ERBB2: variants seen among roughly 807,000 people sequenced by gnomAD.
ERBB2 encodes erb-b2 receptor tyrosine kinase 2, also known as receptor tyrosine-protein kinase erbB-2.
In ERBB2, 61 loss-of-function variants were observed where a neutral mutation model predicts 149.0. The observed-to-expected ratio is 0.41, with a 90% CI of 0.33 to 0.51. ERBB2 has a LOEUF of 0.51. Among genes scored for constraint, ERBB2 ranks in the 20% least tolerant of loss-of-function variants. The pLI is 0.25. For missense variants in ERBB2, 1,205 were observed against 1,655.1 expected (o/e 0.73, Z 4.72); for synonymous variants, 633 against 678.8 (o/e 0.93, Z 1.05).
chr17:39,712,195 C>T (rs1403995027), intron 8 of ERBB2, 127 bp from the exon 9 acceptor site: 2 of 1,522,196 alleles, frequency 1.3e-6, no homozygotes, highest in Middle Eastern at 1.7e-4. Context: ...CCCCTCAGCC[C>T]TACAAGTGTC....
At chr17:39,689,264 G>A (rs1016152301) in intron 2 of ERBB2, among the ~76,000 whole-genome samples, 1 of 152,110 alleles carries the variant, frequency 6.6e-6, no homozygotes, top group African/African-American at 2.4e-5. Context: ...GTGCTCTGGG[G>A]AGCAGCATTC....
In ERBB2 at chr17:39,725,688, G is replaced by A. The variant is rs2143056202; in HGVS notation, c.2726-19G>A. On this transcript the variant is annotated intron_variant, in intron 22 of 26. Coordinates refer to ENST00000269571, the MANE Select transcript of ERBB2 (RefSeq NM_004448.4). This position sits in a 1 kb window ranked among gnomAD's most constrained non-coding sequence, Gnocchi z 4.6. The stretch of plus-strand genomic sequence containing the variant: ...AGCTCCCTCTGGCCCTCCCACTCCT[G>A]ACCCTGTCTCTGCCTTAGGTGTGAC... 6.2e-7 allele frequency: 1 copy of A among 1,601,300 alleles called. No homozygotes were observed. Among genetic ancestry groups the A allele is most frequent in the East Asian group, 2.2e-5 (1 of 44,670 alleles).
intron 16 of ERBB2, chr17:39,720,099 G>A: frequency 2.1e-6 from 1 of 486,630 alleles, no homozygotes; most frequent in Middle Eastern, 5.9e-4. Context: ...AGGGACACAG[G>A]CAAAGTTCAA....
Position 39,715,451 on chromosome 17 carries a change from C to T in ERBB2, c.1228C>T (p.Leu410=), listed in dbSNP as rs2145638023. Reference sequence around the variant, plus strand: ...ATCTCACCCTCTGCCTGCAGGTTACCTATACATCTCAGCATGGCCGGACAG... The same window carrying T: ...ATCTCACCCTCTGCCTGCAGGTTACTTATACATCTCAGCATGGCCGGACAG... The part of the protein sequence containing the change: ...FETLEEITGY[L]YISAWPDSLP... The change falls in exon 11 of 27, where the codon CTA becomes TTA. Residue 410 remains leucine (L), a synonymous_variant. Coordinates refer to ENST00000269571, the MANE Select transcript of ERBB2 (RefSeq NM_004448.4). 6.2e-7 allele frequency: 1 copy of T among 1,614,170 alleles called. No individual in the cohort carries two copies. The highest frequency in any genetic ancestry group is 8.5e-7 in the Non-Finnish European group (1 of 1,180,016).
intron 2 of ERBB2, chr17:39,707,405 T>A: frequency 2.7e-6 from 1 of 374,348 alleles, no homozygotes; most frequent in Admixed American, 4.7e-5. Flanking sequence ...CTTGCCAGCA[T>A]GATCATGTCC....
upstream of ERBB2, chr17:39,699,457 GT>G: frequency 8.2e-7 from 1 of 1,224,558 alleles, no homozygotes; most frequent in Non-Finnish European, 1.1e-6. Flanking sequence ...GCAAAAGTTC[GT>G]TTAAAAAAAA....
rs2145682231 is a variant in ERBB2 at position 39,716,451 on chromosome 17, G to C, written c.1646+18G>C. On this transcript the variant is annotated intron_variant, in intron 13 of 26. Coordinates refer to ENST00000269571, the MANE Select transcript of ERBB2 (RefSeq NM_004448.4). ...CTGCAGGGGTATGAGGGGCGGAGGAGAGGGTGGCTGGAGGGGTGCATGGGG... is the reference window on the plus strand; with the variant it reads ...CTGCAGGGGTATGAGGGGCGGAGGACAGGGTGGCTGGAGGGGTGCATGGGG... 1 of 1,612,874 alleles carries C rather than the reference G, an allele frequency of 6.2e-7. No homozygotes were observed. The highest frequency in any genetic ancestry group is 8.5e-7 in the Non-Finnish European group (1 of 1,179,056).
At chr17:39,722,809 C>T (rs543051787) in intron 16 of ERBB2, among the ~76,000 whole-genome samples, 40 of 152,092 alleles carry the variant, frequency 2.6e-4, no homozygotes, top group East Asian at 1.2e-3. Context: ...TCTTGTCTCC[C>T]GGGTTCAAGC....
At chr17:39,700,010 G>A, upstream of ERBB2, 1 of 1,267,122 alleles carries the variant, frequency 7.9e-7, no homozygotes, top group Non-Finnish European at 9.9e-7. Flanking sequence ...AGGAGGAGGT[G>A]GAGGAGGAGG....
In ERBB2 at chr17:39,723,225, C is replaced by T. The variant is rs538456436; in HGVS notation, c.1947-94C>T. ...GGGTCACCCTTCCGACTTCCCTTTC[C>T]GAATGCCAAACACCTTCATGTCCCC... is the stretch of plus-strand genomic sequence containing the variant. On this transcript the variant is annotated intron_variant, in intron 16 of 26. Transcript: ENST00000269571. This position sits in a 1 kb window ranked among gnomAD's most constrained non-coding sequence, Gnocchi z 6.2. 154 of 1,351,276 alleles carry T rather than the reference C, an allele frequency of 1.1e-4. No individual in the cohort carries two copies. The African/African-American group carries it at 1.8e-3, about 16-fold the overall frequency. The allele number at this position is 1,351,276 out of a possible 1,614,324, so 83.7% of individuals were successfully genotyped here. A position where few individuals can be genotyped will look rare whatever the true frequency, so the allele number is the denominator to read the frequency against.
chr17:39,698,002 T>G (rs2057905720), upstream of ERBB2, among the ~76,000 whole-genome samples: 1 of 152,174 alleles, frequency 6.6e-6, no homozygotes, highest in Non-Finnish European at 1.5e-5. Flanking sequence ...AACTTTGTAT[T>G]ACTTTCTTAA....
rs1479511802 is a variant in ERBB2 at position 39,728,536 on chromosome 17, G to T, written c.*492G>T. ...TTTCTGTTTAGTTTTTACTTTTTTT[G>T]TTTTGTTTTTTTAAAGATGAAATAA... On this transcript the variant is annotated 3_prime_UTR_variant, in exon 27 of 27. Coordinates refer to ENST00000269571, the MANE Select transcript of ERBB2 (RefSeq NM_004448.4). The T allele has an allele frequency of 4.3e-6, 1 of 235,244 alleles. No individual in the cohort carries two copies. Among genetic ancestry groups the T allele is most frequent in the East Asian group, 6.0e-5 (1 of 16,742 alleles). The allele number at this position is 235,244 out of a possible 1,614,324, so 14.6% of individuals were successfully genotyped here. A position where few individuals can be genotyped will look rare whatever the true frequency, so the allele number is the denominator to read the frequency against.
At chr17:39,700,342 G>C in intron 1 of ERBB2, 31 bp downstream of exon 1, 8 of 1,327,978 alleles carry the variant, frequency 6.0e-6, no homozygotes, top group Non-Finnish European at 7.7e-6. Context: ...GGACGGAGCA[G>C]CGGCGGGACC....
At position 39,726,676 on chromosome 17, in the gene ERBB2, C is replaced by T. The variant is rs770037558; in HGVS notation, c.2970+17C>T. ...GTCATCCAGGTACTGGGCCTCTGTG[C>T]CCCATCCCTGCCTGTGGCTAAGAGC... On this transcript the variant is annotated intron_variant, in intron 24 of 26. Coordinates refer to ENST00000269571, the MANE Select transcript of ERBB2 (RefSeq NM_004448.4). This position sits in a 1 kb window ranked among gnomAD's most constrained non-coding sequence, Gnocchi z 5.1. 1.2e-6 allele frequency: 2 copies of T among 1,611,326 alleles called. No homozygotes were observed. The highest frequency in any genetic ancestry group is 1.3e-5 in the African/African-American group (1 of 74,960).
chr17:39,698,304 G>A (rs1259246847), upstream of ERBB2, among the ~76,000 whole-genome samples: 3 of 150,152 alleles, frequency 2.0e-5, no homozygotes, highest in Non-Finnish European at 4.4e-5. Context: ...CTGTCTCCCA[G>A]GCTGGAGTGC....
At chr17:39,716,136 C>T in intron 12 of ERBB2, 165 bp from the exon 13 acceptor site, 1 of 977,502 alleles carries the variant, frequency 1.0e-6, no homozygotes, top group Admixed American at 2.8e-5. Flanking sequence ...GGCATCCTTC[C>T]CTCCCCCTCT....
At chr17:39,694,314 TAC>T (rs1160819477), upstream of ERBB2, among the ~76,000 whole-genome samples, 38 of 102,718 alleles carry the variant, frequency 3.7e-4, 1 homozygote, top group South Asian at 9.8e-4. Context: ...TATATATATA[TAC>T]ACACACACAT....
intron 8 of ERBB2, 135 bp from the exon 9 acceptor site, chr17:39,712,187 C>G (rs999989959): frequency 2.6e-6 from 4 of 1,522,082 alleles, no homozygotes; most frequent in Non-Finnish European, 3.6e-6. Flanking sequence ...CCCTGGCCCC[C>G]CTCAGCCCTA....
At chr17:39,709,731 T>C in intron 4 of ERBB2, 82 bp from the exon 5 acceptor site, 1 of 1,372,338 alleles carries the variant, frequency 7.3e-7, no homozygotes, top group Non-Finnish European at 1.0e-6. Flanking sequence ...CCTCTGCTGC[T>C]GTTTGTGCCT....
Sources: allele counts gnomAD v4.1 joint callset (sites outside exome capture counted in the v4.1 genomes callset), GRCh38; gene constraint gnomAD v4.1.1; non-coding constraint Gnocchi (gnomAD v3.1); transcripts MANE v1.5; gene names NCBI Gene and HGNC (gene_info 2026-07-23, HGNC 2026-07-21).